The following SLC5A7 variants were observed in gnomAD, a reference collection of about 807,000 sequenced individuals.
The protein encoded by SLC5A7 is solute carrier family 5 member 7.
SLC5A7 carries 19 observed loss-of-function variants against 55.4 expected under a neutral mutation model. The observed-to-expected ratio is 0.34, with a 90% CI of 0.24 to 0.50. The LOEUF is 0.50. Among genes scored for constraint, SLC5A7 ranks in the 20% least tolerant of loss-of-function variants. SLC5A7 has a pLI of 0.98. For synonymous variants in SLC5A7, 265 were observed against 263.7 expected, an observed-to-expected ratio of 1.00 and a Z score of -0.05; for missense variants, 506 against 705.3, an observed-to-expected ratio of 0.72 and a Z score of 3.20.
intron 4 of SLC5A7, among the ~76,000 whole-genome samples, chr2:107,995,732 T>C (rs74490748): frequency 0.03 from 4,583 of 152,242 alleles, 235 homozygotes; most frequent in African/African-American, 0.1. Flanking sequence ...ATGTGTATAG[T>C]TCACCATTGA....
chr2:108,004,922 A>T (rs968076747), intron 6 of SLC5A7, among the ~76,000 whole-genome samples: 2 of 152,154 alleles, frequency 1.3e-5, no homozygotes, highest in Non-Finnish European at 2.9e-5. Flanking sequence ...ATGGTTTATC[A>T]TTTTAATTCC....
At position 108,010,738 on chromosome 2, in the gene SLC5A7, T is replaced by A; in HGVS notation, c.1620T>A (p.Asp540Glu). Reference protein sequence around the residue: ...ILVKNENIKLDELALVKPRQS... With the variant: ...ILVKNENIKLEELALVKPRQS... ...TCAAAAATGAAAATATTAAATTAGA[T>A]GAACTTGCACTTGTGAAGCCACGAC... Residue 540 changes from aspartate (D) to glutamate (E), a missense_variant, in exon 9 of 9, where the codon GAT becomes GAA. This residue lies in a region of SLC5A7 where 137 missense variants were observed against 143.6 expected (regional missense o/e 0.95). Coordinates refer to ENST00000264047, the MANE Select transcript of SLC5A7 (RefSeq NM_021815.5). 6.2e-7 allele frequency: 1 copy of A among 1,613,772 alleles called. No homozygotes were observed.
rs759997671 is a variant in SLC5A7, at chr2:107,988,168, G to A, written c.13G>A (p.Val5Met). The change falls in exon 2 of 9, where the codon GTG (valine) becomes ATG (methionine). Residue 5 changes from valine (V) to methionine (M), a missense_variant. By Grantham distance (21) the Val-to-Met change is conservative. Transcript: ENST00000264047. ...TCATTAGATAAAAATGGCTTTCCAT[G>A]TGGAAGGACTGATAGCTATCATCGT... Reference protein sequence around the residue: MAFHVEGLIAIIVFY... With the variant: MAFHMEGLIAIIVFY... The A allele has an allele frequency of 2.5e-6, 4 of 1,612,550 alleles. No individual in the cohort carries two copies. Among genetic ancestry groups the A allele is most frequent in the Non-Finnish European group, 3.4e-6 (4 of 1,178,892 alleles).
At chr2:108,004,088 G>A (rs1678017931) in intron 6 of SLC5A7, among the ~76,000 whole-genome samples, 1 of 152,088 alleles carries the variant, frequency 6.6e-6, no homozygotes, top group African/African-American at 2.4e-5. Flanking sequence ...GTATCATGTT[G>A]GGATTAGAGT....
intron 2 of SLC5A7, among the ~76,000 whole-genome samples, chr2:107,989,025 C>A (rs1049216765): frequency 6.6e-6 from 1 of 152,170 alleles, no homozygotes; most frequent in Non-Finnish European, 1.5e-5. Flanking sequence ...TTCAAACCTT[C>A]TTTGTGTTAG....
At position 107,987,053 on chromosome 2, in the gene SLC5A7, G is replaced by A. The variant is rs2433717; in HGVS notation, c.-52+290G>A. On this transcript the variant is annotated intron_variant, in intron 1 of 8. Coordinates refer to ENST00000264047, the MANE Select transcript of SLC5A7 (RefSeq NM_021815.5). ...CTTGGTTGCTCACAAAGGCAGAGAA[G>A]ACACAGCCCGCGGGCGCTTCTTTTG... Among the ~76,000 whole-genome samples, 1,338 of 152,108 alleles carry A rather than the reference G, an allele frequency of 8.8e-3. 21 individuals carry two copies. The highest frequency in any genetic ancestry group is 0.031 in the African/African-American group (1,295 of 41,490).
At chr2:107,992,072 C>A in intron 2 of SLC5A7, 34 bp from the exon 3 acceptor site, 1 of 1,408,036 alleles carries the variant, frequency 7.1e-7, no homozygotes. Context: ...ACAGGTAAGA[C>A]AGTATCACTC....
chr2:108,007,723 G>T (rs1396356323), intron 7 of SLC5A7, among the ~76,000 whole-genome samples: 1 of 152,042 alleles, frequency 6.6e-6, no homozygotes, highest in Non-Finnish European at 1.5e-5. Flanking sequence ...ATTCCTATTT[G>T]GTCCAATGAT....
At chr2:107,987,573 G>T (rs1222147131) in intron 1 of SLC5A7, among the ~76,000 whole-genome samples, 1 of 152,096 alleles carries the variant, frequency 6.6e-6, no homozygotes, top group Non-Finnish European at 1.5e-5. Flanking sequence ...ATTTTTTTCA[G>T]ATATTTTTAT....
chr2:107,993,451 C>A (rs557213867), intron 4 of SLC5A7, among the ~76,000 whole-genome samples: 1 of 152,262 alleles, frequency 6.6e-6, no homozygotes, highest in African/African-American at 2.4e-5. Flanking sequence ...CTAAAAAGTG[C>A]AGTTTACTTA....
chr2:107,988,291 G>A lies in SLC5A7; in HGVS notation c.136G>A (p.Gly46Ser). Residue 46 changes from glycine (G) to serine (S), a missense_variant, in exon 2 of 9, where the codon GGC becomes AGC. Gly to Ser is a moderately conservative substitution (Grantham distance 56). Around this residue, in one of 4 missense-constraint regions of SLC5A7, gnomAD observed 56 missense variants for 62.6 expected, o/e 0.89. Transcript: ENST00000264047. ...EERSEAIIVG[G>S]RDIGLLVGGF... The stretch of plus-strand genomic sequence containing the variant: ...GCGCAGCGAAGCCATCATAGTTGGT[G>A]GCCGAGATATTGGTTTATTGGTTGG... 6 of 1,614,052 alleles carry A rather than the reference G, an allele frequency of 3.7e-6. No homozygotes were observed. Among genetic ancestry groups the A allele is most frequent in the Non-Finnish European group, 5.1e-6 (6 of 1,179,926 alleles).
intron 6 of SLC5A7, among the ~76,000 whole-genome samples, chr2:108,002,650 A>T (rs1677958621): frequency 6.6e-6 from 1 of 152,156 alleles, no homozygotes; most frequent in African/African-American, 2.4e-5. Context: ...AGAAGAACTG[A>T]CCAGATTTTA....
chr2:107,998,125 A>G, intron 5 of SLC5A7, 139 bp downstream of exon 5: 1 of 840,700 alleles, frequency 1.2e-6, no homozygotes, highest in Non-Finnish European at 1.7e-6. Flanking sequence ...GAAATTTCAA[A>G]TTTCTCCATA....
intron 4 of SLC5A7, among the ~76,000 whole-genome samples, chr2:107,994,006 C>CATG (rs1677556788): frequency 1.3e-5 from 2 of 152,308 alleles, no homozygotes; most frequent in African/African-American, 4.8e-5. Flanking sequence ...CAATAACTTA[C>CATG]ATGAGAAAGC....
In SLC5A7 at chr2:108,010,372, C is replaced by A. The variant is rs770003632; in HGVS notation, c.1254C>A (p.Phe418Leu). The A allele has an allele frequency of 3.0e-5, 49 of 1,613,826 alleles. No homozygotes were observed. The highest frequency in any genetic ancestry group is 4.1e-5 in the Non-Finnish European group (48 of 1,179,946). Residue 418 changes from phenylalanine to leucine, a missense_variant, in exon 9 of 9, where the codon TTC becomes TTA. Phe to Leu is a conservative substitution (Grantham distance 22). Around this residue, in one of 4 missense-constraint regions of SLC5A7, gnomAD observed 309 missense variants for 478.6 expected, o/e 0.65. Coordinates refer to ENST00000264047, the MANE Select transcript of SLC5A7 (RefSeq NM_021815.5). ...CTGACCTTGTTTACATCGTTATCTT[C>A]CCCCAGCTGCTTTGTGTACTCTTTG... is the stretch of plus-strand genomic sequence containing the variant. ...LSSDLVYIVI[F>L]PQLLCVLFVK...
At chr2:108,006,262 C>A (rs1338148066) in intron 7 of SLC5A7, 60 bp downstream of exon 7, 10 of 1,584,600 alleles carry the variant, frequency 6.3e-6, no homozygotes, top group Non-Finnish European at 8.6e-6. Flanking sequence ...CACCCAGACA[C>A]CCTTCTGTCC....
chr2:108,002,054 T>G lies in SLC5A7; in HGVS notation c.741+14T>G. 1.9e-6 allele frequency: 3 copies of G among 1,596,632 alleles called. No individual in the cohort carries two copies. Among genetic ancestry groups the G allele is most frequent in the Non-Finnish European group, 1.7e-6 (2 of 1,170,392 alleles). ...TTTCTGTTGTTGGTAAGTAATGCTCTTACCTGAAGAATGTGATTTAATTGT... is the reference window on the plus strand; with the variant it reads ...TTTCTGTTGTTGGTAAGTAATGCTCGTACCTGAAGAATGTGATTTAATTGT... On this transcript the variant is annotated intron_variant, in intron 6 of 8. Transcript: ENST00000264047.
At chr2:107,988,396 C>T (rs1294724747) in intron 2 of SLC5A7, 63 bp downstream of exon 2, 10 of 1,486,062 alleles carry the variant, frequency 6.7e-6, no homozygotes, top group African/African-American at 1.4e-5. Flanking sequence ...GAGTGTGCAG[C>T]GTGTGGCTTC....
intron 5 of SLC5A7, among the ~76,000 whole-genome samples, chr2:108,001,469 C>G (rs1342229604): frequency 6.6e-6 from 1 of 151,530 alleles, no homozygotes; most frequent in Non-Finnish European, 1.5e-5. Context: ...GTCAGGAGAT[C>G]GAGACCATCC....
Sources: allele counts gnomAD v4.1 joint callset (sites outside exome capture counted in the v4.1 genomes callset), GRCh38; gene constraint gnomAD v4.1.1; regional missense constraint gnomAD v4.1.1; transcripts MANE v1.5; gene names NCBI Gene and HGNC (gene_info 2026-07-23, HGNC 2026-07-21).